RAMP3: variants seen among roughly 807,000 people sequenced by gnomAD.
RAMP3 encodes the protein receptor activity-modifying protein 3.
RAMP3 carries 14 observed loss-of-function variants against 13.5 expected under a neutral mutation model. That is an observed-to-expected ratio of 1.04 (90% CI 0.69 to 1.63). The LOEUF (loss-of-function observed/expected upper bound fraction) is 1.63, where lower values mean the gene tolerates loss of function less well. RAMP3 is among the 40% of genes most tolerant of loss of function. RAMP3 has a pLI of 0.00. For missense variants in RAMP3, 200 were observed against 204.8 expected, an observed-to-expected ratio of 0.98 and a Z score of 0.14; for synonymous variants, 106 against 88.3, an observed-to-expected ratio of 1.20 and a Z score of -1.12.
At chr7:45,183,096 G>C in intron 2 of RAMP3, 61 bp from the exon 3 acceptor site, 1 of 1,591,882 alleles carries the variant, frequency 6.3e-7, no homozygotes, top group Non-Finnish European at 8.5e-7. Flanking sequence ...CTGGCCTCAG[G>C]TCAGGGCAGG....
intron 1 of RAMP3, among the ~76,000 whole-genome samples, chr7:45,166,958 C>CTTTTTTTTTTTTTTT (rs202162694): frequency 7.9e-5 from 8 of 101,240 alleles, no homozygotes; most frequent in South Asian, 3.6e-4. Context: ...GTCTTTGATG[C>CTTTTTTTTTTTTTTT]TTTTTTTTTT....
intron 1 of RAMP3, among the ~76,000 whole-genome samples, chr7:45,175,094 C>T (rs957619651): frequency 2.0e-5 from 3 of 152,160 alleles, no homozygotes; most frequent in Non-Finnish European, 2.9e-5. Flanking sequence ...GAGGCTCACT[C>T]AGGGGTTGGG....
At position 45,158,716 on chromosome 7, in the gene RAMP3, C is replaced by T. The variant is rs954095580; in HGVS notation, c.58+830C>T. ...GCCCTGGCCTGGTGGTCCCCAGTTTCCCTGGCTGTAAGATGCAGAGTTGGG... is the reference window on the plus strand; with the variant it reads ...GCCCTGGCCTGGTGGTCCCCAGTTTTCCTGGCTGTAAGATGCAGAGTTGGG... On this transcript the variant is annotated intron_variant, in intron 1 of 2. Coordinates refer to ENST00000242249, the MANE Select transcript of RAMP3 (RefSeq NM_005856.3). Among the ~76,000 whole-genome samples the T allele has an allele frequency of 3.3e-5, 5 of 152,226 alleles. No homozygotes were observed. In the South Asian group the frequency reaches 8.3e-4, roughly 25 times the overall value.
intron 2 of RAMP3, among the ~76,000 whole-genome samples, chr7:45,181,102 T>C (rs1052500830): frequency 1.3e-5 from 2 of 152,206 alleles, no homozygotes; most frequent in African/African-American, 4.8e-5. Flanking sequence ...CATTTGGTTC[T>C]CTCAACCACC....
intron 1 of RAMP3, among the ~76,000 whole-genome samples, chr7:45,173,956 A>T: frequency 6.6e-6 from 1 of 151,782 alleles, no homozygotes; most frequent in East Asian, 1.9e-4. Flanking sequence ...GCAGGGGAGC[A>T]GTGGGGCCCA....
At chr7:45,163,794 G>A (rs954401421) in intron 1 of RAMP3, 44 of 985,286 alleles carry the variant, frequency 4.5e-5, no homozygotes, top group Middle Eastern at 5.2e-4. Context: ...TTCTGGCTCC[G>A]TGCCAGTGGG....
chr7:45,176,813 G>A (rs1786196237), intron 1 of RAMP3, among the ~76,000 whole-genome samples: 1 of 152,226 alleles, frequency 6.6e-6, no homozygotes, highest in Non-Finnish European at 1.5e-5. Context: ...TCAGCCCCTG[G>A]TTTCCCAGAA....
chr7:45,163,529 G>A (rs1785902750), intron 1 of RAMP3: 1 of 985,288 alleles, frequency 1.0e-6, no homozygotes, highest in African/African-American at 1.7e-5. Flanking sequence ...CCAGCAGCCA[G>A]AGGGTCGTGG....
chr7:45,157,883 T>C lies in RAMP3; in HGVS notation c.55T>C (p.Cys19Arg). 7.2e-7 allele frequency: 1 copy of C among 1,390,300 alleles called. No individual in the cohort carries two copies. Among genetic ancestry groups the C allele is most frequent in the Non-Finnish European group, 9.3e-7 (1 of 1,080,646 alleles). 86.1% of individuals were successfully genotyped at this position (1,390,300 alleles called of 1,614,324 possible). A position where few individuals can be genotyped will look rare whatever the true frequency, so the allele number is the denominator to read the frequency against. The change falls in exon 1 of 3, where the codon TGC (cysteine) becomes CGC (arginine). Residue 19 changes from cysteine (C) to arginine (R), a missense_variant. Physicochemically the swap from Cys to Arg is radical, Grantham distance 180. Transcript: ENST00000242249. ...ACTTCTCCCGTTGCTGCTGCTGCTC[T>C]GCGGTAAGGGGGCGACGGCCCGCAC... The part of the protein sequence containing the change: ...PQLLPLLLLL[C>R]GGCPRAGGCN...
At chr7:45,161,718 G>T (rs1298102011) in intron 1 of RAMP3, among the ~76,000 whole-genome samples, 1 of 151,982 alleles carries the variant, frequency 6.6e-6, no homozygotes, top group East Asian at 1.9e-4. Context: ...GAAGAACTGG[G>T]CTGGGTCTCG....
chr7:45,164,256 C>T (rs555844241), intron 1 of RAMP3, among the ~76,000 whole-genome samples: 118 of 152,324 alleles, frequency 7.7e-4, no homozygotes, highest in Non-Finnish European at 1.5e-3. Flanking sequence ...GAGGAGTATT[C>T]TCCAATTATC....
At chr7:45,180,754 C>T (rs943630461) in intron 2 of RAMP3, among the ~76,000 whole-genome samples, 4 of 152,208 alleles carry the variant, frequency 2.6e-5, no homozygotes, top group African/African-American at 9.6e-5. Flanking sequence ...GGGAGTCTGA[C>T]TGGGGGGTTT....
chr7:45,174,259 C>T (rs1459495541), intron 1 of RAMP3, among the ~76,000 whole-genome samples: 1 of 152,108 alleles, frequency 6.6e-6, no homozygotes, highest in East Asian at 1.9e-4. Flanking sequence ...TGTTATAGTG[C>T]CCTTGGGGTC....
intron 2 of RAMP3, among the ~76,000 whole-genome samples, chr7:45,179,916 C>T (rs1786269403): frequency 6.6e-6 from 1 of 152,204 alleles, no homozygotes; most frequent in Admixed American, 6.5e-5. Flanking sequence ...ATGAGGGGAT[C>T]AGAGGCCTTC....
intron 1 of RAMP3, 61 bp from the exon 2 acceptor site, chr7:45,177,248 C>T: frequency 1.9e-6 from 3 of 1,606,612 alleles, no homozygotes; most frequent in Non-Finnish European, 2.6e-6. Context: ...CTTGGGCCTC[C>T]CCTGTCCTGG....
chr7:45,168,016 A>G (rs921914471), intron 1 of RAMP3, among the ~76,000 whole-genome samples: 18 of 152,348 alleles, frequency 1.2e-4, no homozygotes, highest in Middle Eastern at 3.4e-3. Context: ...TTGAGTTTGT[A>G]TATCACTTTA....
chr7:45,171,804 CTTCTG>C (rs1376604878), intron 1 of RAMP3, among the ~76,000 whole-genome samples: 1 of 152,154 alleles, frequency 6.6e-6, no homozygotes, highest in Non-Finnish European at 1.5e-5. Context: ...CAGGCATGGA[CTTCTG>C]TTCTGTTCCA....
chr7:45,174,026 G>C (rs1171787040), intron 1 of RAMP3, among the ~76,000 whole-genome samples: 5 of 152,116 alleles, frequency 3.3e-5, no homozygotes, highest in Non-Finnish European at 7.4e-5. Context: ...TCCTCCTAGG[G>C]AGATGGGAGT....
intron 1 of RAMP3, among the ~76,000 whole-genome samples, chr7:45,158,698 C>T (rs1785810890): frequency 6.6e-6 from 1 of 152,086 alleles, no homozygotes; most frequent in Non-Finnish European, 1.5e-5. Context: ...AGGGCCCTGG[C>T]CTGGTGGTCC....
Sources: gnomAD v4.1 joint callset for allele counts (sites outside exome capture counted in the v4.1 genomes callset) on GRCh38, gnomAD v4.1.1 for gene constraint, MANE v1.5 for transcripts, NCBI Gene and HGNC (gene_info 2026-07-23, HGNC 2026-07-21) for gene names.